The following PTPRS variants were observed in gnomAD, a reference collection of about 807,000 sequenced individuals.
PTPRS encodes the protein protein tyrosine phosphatase receptor type S, also known as receptor-type tyrosine-protein phosphatase S.
In PTPRS, 63 loss-of-function variants were observed where a neutral mutation model predicts 215.3. The ratio of observed to expected loss-of-function variants is 0.29; its 90% CI spans 0.24 to 0.36. The LOEUF (loss-of-function observed/expected upper bound fraction) is 0.36, where lower values mean the gene tolerates loss of function less well. Among genes scored for constraint, PTPRS ranks in the 10% least tolerant of loss-of-function variants. PTPRS has a pLI of 1.00. For missense variants in PTPRS, 2,258 were observed against 2,825.8 expected, an observed-to-expected ratio of 0.80 and a Z score of 4.56; for synonymous variants, 1,404 against 1,191.4, an observed-to-expected ratio of 1.18 and a Z score of -3.68.
At chr19:5,304,285 G>A (rs1029553020) in intron 1 of PTPRS, among the ~76,000 whole-genome samples, 1 of 151,978 alleles carries the variant, frequency 6.6e-6, no homozygotes, top group Admixed American at 6.6e-5. Flanking sequence ...CCAACATGGT[G>A]AAACCTCCAT....
At chr19:5,247,219 T>A (rs1166390902) in intron 9 of PTPRS, among the ~76,000 whole-genome samples, 1 of 148,518 alleles carries the variant, frequency 6.7e-6, no homozygotes, top group Non-Finnish European at 1.5e-5. Context: ...ATAATAATAA[T>A]TAATAATAAT....
Position 5,210,614 on chromosome 19 carries a change from C to T in PTPRS, c.5362-20G>A, listed in dbSNP as rs754495645. On this transcript the variant is annotated intron_variant, in intron 34 of 37. Transcript: ENST00000262963. The surrounding 1 kb of genome is among the most constrained non-coding windows in gnomAD (Gnocchi z 4.5). Reference sequence around the variant, plus strand: ...CTTCTCCTGTGGAGGAGATGGCGGCCGTGGTCAGCGCTGTCTGAGCCACAG... The same window carrying T: ...CTTCTCCTGTGGAGGAGATGGCGGCTGTGGTCAGCGCTGTCTGAGCCACAG... The T allele has an allele frequency of 1.4e-5, 23 of 1,614,100 alleles. No individual in the cohort carries two copies. In the East Asian group the frequency reaches 2.0e-4, roughly 14 times the overall value.
chr19:5,216,787 A>C lies in PTPRS; in HGVS notation c.4049-20T>G. 1 of 1,533,502 alleles carries C rather than the reference A, an allele frequency of 6.5e-7. No homozygotes were observed. Among genetic ancestry groups the C allele is most frequent in the Non-Finnish European group, 8.9e-7 (1 of 1,127,878 alleles). The allele number at this position is 1,533,502 out of a possible 1,614,324, so 95.0% of individuals were successfully genotyped here. A position where few individuals can be genotyped will look rare whatever the true frequency, so the allele number is the denominator to read the frequency against. On this transcript the variant is annotated intron_variant, in intron 25 of 37. Coordinates refer to ENST00000262963, the MANE Select transcript of PTPRS (RefSeq NM_002850.4). ...CTGAATCTGCAAACAGCAAACAATA[A>C]ATAAATGAAAACATGCAGGGGGTAG... is the stretch of plus-strand genomic sequence containing the variant.
In PTPRS at chr19:5,219,033, C is replaced by T. The variant is rs2041745282; in HGVS notation, c.3924-235G>A. 4.8e-6 allele frequency: 3 copies of T among 630,476 alleles called. No individual in the cohort carries two copies. In the East Asian group the frequency reaches 8.3e-5, roughly 17 times the overall value. 39.1% of individuals were successfully genotyped at this position (630,476 alleles called of 1,614,324 possible). A position where few individuals can be genotyped will look rare whatever the true frequency, so the allele number is the denominator to read the frequency against. ...CCCATGGGGCCACTACAATTGCTATCCTCATTGAACTGGACACAGGCAGCC... is the reference window on the plus strand; with the variant it reads ...CCCATGGGGCCACTACAATTGCTATTCTCATTGAACTGGACACAGGCAGCC... On this transcript the variant is annotated intron_variant, in intron 23 of 37. Coordinates refer to ENST00000262963, the MANE Select transcript of PTPRS (RefSeq NM_002850.4).
At chr19:5,286,839 C>G (rs2048391847) in intron 1 of PTPRS, among the ~76,000 whole-genome samples, 1 of 151,910 alleles carries the variant, frequency 6.6e-6, no homozygotes, top group Non-Finnish European at 1.5e-5. Context: ...TCAGACCAAG[C>G]CCCACACCAG....
Position 5,246,026 on chromosome 19 carries a change from G to A in PTPRS, c.738C>T (p.Arg246=). The A allele has an allele frequency of 6.5e-7, 1 of 1,538,032 alleles. No individual in the cohort carries two copies. Among genetic ancestry groups the A allele is most frequent in the South Asian group, 1.2e-5 (1 of 82,884 alleles). The change falls in exon 10 of 38, where the codon CGC becomes CGT. Residue 246 remains arginine, a synonymous_variant. Coordinates refer to ENST00000262963, the MANE Select transcript of PTPRS (RefSeq NM_002850.4). ...ELREVRRVAP[R]FSILPMSHEI... ...CGTGGCTCATGGGCAGGATGGAGAA[G>A]CGCGGGGCCACGCGGCGGACTGGGG...
At chr19:5,286,668 C>T (rs1214808810) in intron 1 of PTPRS, among the ~76,000 whole-genome samples, 1 of 152,158 alleles carries the variant, frequency 6.6e-6, no homozygotes, top group Non-Finnish European at 1.5e-5. Flanking sequence ...TGATCTTGGA[C>T]TTCCCAGCCT....
chr19:5,286,060 A>C lies in PTPRS; in HGVS notation c.81T>G (p.Cys27Trp), dbSNP rs991681350. ...GLLVVLLVGG[C>W]AAEEPPRFIK... ...GTGCCGGCTTCTTACCTTCTGCTGC[A>C]CAGCCTCCAACGAGCAGGACCACAA... Residue 27 changes from cysteine to tryptophan, a missense_variant, in exon 2 of 38, where the codon TGT becomes TGG. Coordinates refer to ENST00000262963, the MANE Select transcript of PTPRS (RefSeq NM_002850.4). 2 of 1,613,444 alleles carry C rather than the reference A, an allele frequency of 1.2e-6. No individual in the cohort carries two copies. The highest frequency in any genetic ancestry group is 1.3e-5 in the African/African-American group (1 of 74,918).
At chr19:5,276,822 G>A (rs1340653673) in intron 2 of PTPRS, among the ~76,000 whole-genome samples, 3 of 152,158 alleles carry the variant, frequency 2.0e-5, no homozygotes, top group Admixed American at 2.0e-4. Flanking sequence ...GATTACAGGC[G>A]TGAGCCACCA....
At chr19:5,264,952 C>T in intron 5 of PTPRS, 56 bp downstream of exon 5, 2 of 1,588,968 alleles carry the variant, frequency 1.3e-6, no homozygotes, top group Non-Finnish European at 1.7e-6. Context: ...TGGAGATGCT[C>T]CCCACCCCCT....
In PTPRS at chr19:5,205,807, C is replaced by T. The variant is rs998557351; in HGVS notation, c.*967G>A. ...TCTCTGTCTCCTTGGGGGCGGGAGA[C>T]GGGGAGACAGCTCAGGCTCTCAGAG... On this transcript the variant is annotated 3_prime_UTR_variant, in exon 38 of 38. Coordinates refer to ENST00000262963, the MANE Select transcript of PTPRS (RefSeq NM_002850.4). 8.5e-5 allele frequency among the ~76,000 whole-genome samples: 13 copies of T among 152,170 alleles called. No homozygotes were observed. Among genetic ancestry groups the T allele is most frequent in the Admixed American group, 2.6e-4 (4 of 15,284 alleles).
At chr19:5,264,869 C>T in intron 5 of PTPRS, 139 bp downstream of exon 5, 4 of 982,126 alleles carry the variant, frequency 4.1e-6, no homozygotes, top group South Asian at 3.2e-5. Context: ...GCCCCCACTC[C>T]CCCAGAGCCA....
chr19:5,326,156 G>T (rs1411244978), intron 1 of PTPRS, among the ~76,000 whole-genome samples: 1 of 152,118 alleles, frequency 6.6e-6, no homozygotes, highest in South Asian at 2.1e-4. Context: ...GCTTGAACCC[G>T]GGAGGTGGGG....
intron 1 of PTPRS, among the ~76,000 whole-genome samples, chr19:5,308,945 G>C (rs1281662518): frequency 6.6e-6 from 1 of 152,282 alleles, no homozygotes. Flanking sequence ...GAGCACGGGT[G>C]GGGTACGGGG....
intron 1 of PTPRS, among the ~76,000 whole-genome samples, chr19:5,323,365 C>A (rs1338861593): frequency 6.6e-6 from 1 of 152,062 alleles, no homozygotes; most frequent in African/African-American, 2.4e-5. Flanking sequence ...CTCAAAAAAA[C>A]AAACAAAAAA....
chr19:5,240,953 G>A (rs1284162869), intron 11 of PTPRS, among the ~76,000 whole-genome samples: 6 of 135,696 alleles, frequency 4.4e-5, no homozygotes, highest in Admixed American at 2.3e-4. Context: ...GCAATGGCAC[G>A]ATCTCGGCTC....
rs1402107034 is a variant in PTPRS at position 5,338,973 on chromosome 19, T to C, written c.-95+1691A>G. ...ATCCCAGCAGCCAAAGTCCGGGTGGTGGCGGACGGGAGCCCGGAGCGTGTG... is the reference window on the plus strand; with the variant it reads ...ATCCCAGCAGCCAAAGTCCGGGTGGCGGCGGACGGGAGCCCGGAGCGTGTG... On this transcript the variant is annotated intron_variant, in intron 1 of 37. Coordinates refer to ENST00000262963, the MANE Select transcript of PTPRS (RefSeq NM_002850.4). This position sits in a 1 kb window ranked among gnomAD's most constrained non-coding sequence, Gnocchi z 4.2. Among the ~76,000 whole-genome samples the C allele has an allele frequency of 6.6e-6, 1 of 152,062 alleles. No homozygotes were observed. The highest frequency in any genetic ancestry group is 1.5e-5 in the Non-Finnish European group (1 of 68,002).
chr19:5,329,352 C>T (rs1255273166), intron 1 of PTPRS, among the ~76,000 whole-genome samples: 1 of 152,092 alleles, frequency 6.6e-6, no homozygotes, highest in Admixed American at 6.5e-5. Context: ...ACATCCTGGC[C>T]GATAACATCT....
At position 5,293,469 on chromosome 19, in the gene PTPRS, A is replaced by C. The variant is rs2049013401; in HGVS notation, c.-94-7235T>G. Reference sequence around the variant, plus strand: ...GCAGGAGTCCATGAAACACTGAGCGAAGGGGCGCCCCAGGGAGGGCACGAC... The same window carrying C: ...GCAGGAGTCCATGAAACACTGAGCGCAGGGGCGCCCCAGGGAGGGCACGAC... On this transcript the variant is annotated intron_variant, in intron 1 of 37. Coordinates refer to ENST00000262963, the MANE Select transcript of PTPRS (RefSeq NM_002850.4). The surrounding 1 kb of genome is among the most constrained non-coding windows in gnomAD (Gnocchi z 8.4). Among the ~76,000 whole-genome samples the C allele has an allele frequency of 6.6e-6, 1 of 151,908 alleles. No individual in the cohort carries two copies. Among genetic ancestry groups the C allele is most frequent in the Non-Finnish European group, 1.5e-5 (1 of 67,920 alleles).
Sources: allele counts gnomAD v4.1 joint callset (sites outside exome capture counted in the v4.1 genomes callset), GRCh38; gene constraint gnomAD v4.1.1; non-coding constraint Gnocchi (gnomAD v3.1); transcripts MANE v1.5; gene names NCBI Gene and HGNC (gene_info 2026-07-23, HGNC 2026-07-21).